Variants in GALNT14 observed in about 807,000 individuals in gnomAD.
GALNT14 encodes the protein UDP-GalNAc:polypeptide N-acetylgalactosaminyltransferase 14.
Under a neutral mutation model 77.5 loss-of-function variants are expected in GALNT14, and 60 were observed. The ratio of observed to expected loss-of-function variants is 0.77; its 90% confidence interval spans 0.63 to 0.96. The LOEUF (loss-of-function observed/expected upper bound fraction) is 0.96. GALNT14 is among the 40% of genes least tolerant of loss of function. The probability of loss-of-function intolerance (pLI) is 0.00; values close to 1 mark genes in which losing one functional copy is unlikely to be tolerated. For synonymous variants in GALNT14, 280 were observed against 281.7 expected (o/e 0.99, Z 0.06); for missense variants, 710 against 731.0 (o/e 0.97, Z 0.33).
chr2:30,982,036 G>A (rs1350813371), intron 2 of GALNT14, among the ~76,000 whole-genome samples: 1 of 152,198 alleles, frequency 6.6e-6, no homozygotes, highest in Non-Finnish European at 1.5e-5. Flanking sequence ...TCTGTGCCTG[G>A]TTCTTGGGCA....
At chr2:30,933,901 T>G (rs1424481889) in intron 9 of GALNT14, among the ~76,000 whole-genome samples, 1 of 152,216 alleles carries the variant, frequency 6.6e-6, no homozygotes, top group African/African-American at 2.4e-5. Flanking sequence ...AGAACAACTG[T>G]GTAAACGCTA....
chr2:31,049,718 C>A (rs746376179), intron 1 of GALNT14, among the ~76,000 whole-genome samples: 24 of 152,192 alleles, frequency 1.6e-4, no homozygotes, highest in Non-Finnish European at 2.6e-4. Flanking sequence ...GGGGACCCAA[C>A]CACAAACTTG....
intron 1 of GALNT14, among the ~76,000 whole-genome samples, chr2:31,015,020 T>A (rs1671266593): frequency 6.6e-6 from 1 of 152,192 alleles, no homozygotes; most frequent in Non-Finnish European, 1.5e-5. Flanking sequence ...CCGGGCACCG[T>A]GGCTCATGCC....
At chr2:30,928,648 G>A (rs758433933) in intron 11 of GALNT14, among the ~76,000 whole-genome samples, 72 of 151,876 alleles carry the variant, frequency 4.7e-4, no homozygotes, top group Middle Eastern at 3.4e-3. Flanking sequence ...ATGGGGTCTC[G>A]CTCTGTCACC....
intron 3 of GALNT14, among the ~76,000 whole-genome samples, chr2:30,965,178 A>C (rs759209619): frequency 2.6e-5 from 4 of 151,926 alleles, no homozygotes; most frequent in Non-Finnish European, 5.9e-5. Flanking sequence ...GGCTGACAAG[A>C]AGGAGGACTC....
At chr2:30,968,862 C>A (rs1460057006) in intron 2 of GALNT14, among the ~76,000 whole-genome samples, 1 of 152,140 alleles carries the variant, frequency 6.6e-6, no homozygotes, top group East Asian at 1.9e-4. Flanking sequence ...TGAGAAGAGA[C>A]CTTGGCCTTG....
intron 13 of GALNT14, among the ~76,000 whole-genome samples, chr2:30,923,053 T>G (rs1665128884): frequency 1.4e-5 from 2 of 140,814 alleles, no homozygotes; most frequent in African/African-American, 5.5e-5. Context: ...TAGACAAACG[T>G]GCCTTTTTTT....
intron 1 of GALNT14, among the ~76,000 whole-genome samples, chr2:31,068,988 T>C (rs899474962): frequency 6.6e-6 from 1 of 152,194 alleles, no homozygotes; most frequent in African/African-American, 2.4e-5. Flanking sequence ...GGATTAGTGG[T>C]CACCTGGAGC....
At chr2:31,039,879 T>G (rs908233737) in intron 1 of GALNT14, among the ~76,000 whole-genome samples, 1 of 152,156 alleles carries the variant, frequency 6.6e-6, no homozygotes. Context: ...AAACTTCACA[T>G]GAGAAATGTA....
At chr2:30,886,988 A>G in the GALNT14 span, among the ~76,000 whole-genome samples, 1 of 152,378 alleles carries the variant, frequency 6.6e-6, no homozygotes, top group East Asian at 1.9e-4. Flanking sequence ...TATGAATGGA[A>G]TCATACAATA....
chr2:30,887,188 T>G, the GALNT14 span, among the ~76,000 whole-genome samples: 29,402 of 152,098 alleles, frequency 0.19, 3,014 homozygotes, highest in African/African-American at 0.24. Context: ...ATGAAAGTGT[T>G]TGTGCATGTA....
chr2:31,116,313 TA>T (rs1281860382), intron 1 of GALNT14, among the ~76,000 whole-genome samples: 1 of 152,136 alleles, frequency 6.6e-6, no homozygotes. Flanking sequence ...CTAATTTTTA[TA>T]AGCTGAACAT....
At chr2:30,917,560 T>G (rs950996327) in intron 13 of GALNT14, among the ~76,000 whole-genome samples, 2 of 152,200 alleles carry the variant, frequency 1.3e-5, no homozygotes, top group Non-Finnish European at 2.9e-5. Context: ...CCACCAGGCA[T>G]GGGCAGGACA....
At chr2:31,088,167 C>A (rs1218040302) in intron 1 of GALNT14, among the ~76,000 whole-genome samples, 6 of 152,118 alleles carry the variant, frequency 3.9e-5, no homozygotes, top group African/African-American at 1.4e-4. Flanking sequence ...ATAGCGATTG[C>A]GGCAGAGGCC....
At chr2:30,908,872 T>C (rs867054832), downstream of GALNT14, among the ~76,000 whole-genome samples, 3,246 of 148,150 alleles carry the variant, frequency 0.022, 103 homozygotes, top group African/African-American at 0.078. Context: ...TATAGATCAA[T>C]GGAACAGAAC....
chr2:31,137,084 G>C (rs1208110258), intron 1 of GALNT14, among the ~76,000 whole-genome samples: 1 of 152,192 alleles, frequency 6.6e-6, no homozygotes, highest in Non-Finnish European at 1.5e-5. Context: ...CCAAATCTGT[G>C]AAGAGAAAAC....
At chr2:31,083,993 A>G (rs2148587940) in intron 1 of GALNT14, among the ~76,000 whole-genome samples, 1 of 152,282 alleles carries the variant, frequency 6.6e-6, no homozygotes, top group South Asian at 2.1e-4. Context: ...GGATTTAGGA[A>G]CATGATATCT....
At chr2:31,125,351 G>A in intron 1 of GALNT14, 2 of 871,762 alleles carry the variant, frequency 2.3e-6, no homozygotes, top group Non-Finnish European at 3.7e-6. Context: ...CAAAGACTCT[G>A]TGCCCATAGG....
chr2:31,000,435 C>CTGTGTG (rs3223043), intron 1 of GALNT14, among the ~76,000 whole-genome samples: 15,656 of 145,910 alleles, frequency 0.11, 880 homozygotes, highest in African/African-American at 0.11. Flanking sequence ...ATATCACCAA[C>CTGTGTG]TGTGTGTGTG....
Sources: allele counts gnomAD v4.1 joint callset (sites outside exome capture counted in the v4.1 genomes callset), GRCh38; gene constraint gnomAD v4.1.1; transcripts MANE v1.5; gene names NCBI Gene and HGNC (gene_info 2026-07-23, HGNC 2026-07-21).